PTF1A: variants seen among roughly 807,000 people sequenced by gnomAD.
PTF1A encodes the protein pancreas transcription factor 1 subunit alpha.
Under a neutral mutation model 22.6 loss-of-function variants are expected in PTF1A, and 18 were observed. The observed-to-expected ratio is 0.80, with a 90% CI of 0.55 to 1.18. The LOEUF is 1.18. Among genes scored for constraint, PTF1A ranks in the 50% most tolerant of loss-of-function variants. PTF1A has a pLI of 0.00. For missense variants in PTF1A, 477 were observed against 473.0 expected, an observed-to-expected ratio of 1.01 and a Z score of -0.08; for synonymous variants, 259 against 227.9, an observed-to-expected ratio of 1.14 and a Z score of -1.23.
In PTF1A at chr10:23,192,799, G is replaced by A; in HGVS notation, c.269G>A (p.Gly90Asp). The A allele has an allele frequency of 7.6e-7, 1 of 1,315,374 alleles. No homozygotes were observed. The highest frequency in any genetic ancestry group is 3.9e-5 in the Admixed American group (1 of 25,736). The allele number at this position is 1,315,374 out of a possible 1,614,324, so 81.5% of individuals were successfully genotyped here. The change falls in exon 1 of 2, where the codon GGT becomes GAT. Residue 90 changes from glycine to aspartate, a missense_variant. Transcript: ENST00000376504. The part of the protein sequence containing the change: ...ALAPPSSGGL[G>D]EPDDGGGGGY... ...GCCCCGCCGTCCTCGGGGGGCCTCG[G>A]TGAGCCAGACGACGGCGGCGGCGGC...
chr10:23,193,564 G>A, intron 1 of PTF1A, 140 bp from the exon 2 acceptor site: 1 of 834,258 alleles, frequency 1.2e-6, no homozygotes, highest in South Asian at 1.4e-5. Context: ...GGAGGGGACG[G>A]TGGGGACTTG....
rs1256765789 is a variant in PTF1A at position 23,192,564 on chromosome 10, G to A, written c.34G>A (p.Gly12Ser). The A allele has an allele frequency of 6.3e-7, 1 of 1,597,582 alleles. No homozygotes were observed. The highest frequency in any genetic ancestry group is 8.5e-7 in the Non-Finnish European group (1 of 1,172,492). Residue 12 changes from glycine (G) to serine (S), a missense_variant, in exon 1 of 2, where the codon GGC becomes AGC. Physicochemically the swap from Gly to Ser is moderately conservative, Grantham distance 56. Transcript: ENST00000376504. ...DAVLLEHFPG[G>S]LDAFPSSYFD... Reference sequence around the variant, plus strand: ...GGTGTTGCTGGAGCACTTCCCCGGGGGCCTAGACGCCTTTCCTTCTTCGTA... The same window carrying A: ...GGTGTTGCTGGAGCACTTCCCCGGGAGCCTAGACGCCTTTCCTTCTTCGTA...
chr10:23,192,526 C>T lies in PTF1A; in HGVS notation c.-5C>T. 6.3e-7 allele frequency: 1 copy of T among 1,589,404 alleles called. No individual in the cohort carries two copies. The highest frequency in any genetic ancestry group is 1.4e-5 in the African/African-American group (1 of 72,648). ...GCAGTCCCGCTGCCCACTGCGGCGG[C>T]GAGCATGGACGCGGTGTTGCTGGAG... On this transcript the variant is annotated 5_prime_UTR_variant, in exon 1 of 2. Coordinates refer to ENST00000376504, the MANE Select transcript of PTF1A (RefSeq NM_178161.3).
At position 23,192,668 on chromosome 10, in the gene PTF1A, G is replaced by T; in HGVS notation, c.138G>T (p.Glu46Asp). 1.3e-6 allele frequency: 2 copies of T among 1,599,700 alleles called. No individual in the cohort carries two copies. The highest frequency in any genetic ancestry group is 1.7e-6 in the Non-Finnish European group (2 of 1,174,238). The part of the protein sequence containing the change: ...LEDGDELLAD[E>D]QAEVEFLSHQ... Reference sequence around the variant, plus strand: ...ACGGCGATGAGCTGCTGGCGGACGAGCAGGCCGAGGTGGAGTTCCTTAGCC... The same window carrying T: ...ACGGCGATGAGCTGCTGGCGGACGATCAGGCCGAGGTGGAGTTCCTTAGCC... Residue 46 changes from glutamate to aspartate, a missense_variant, in exon 1 of 2, where the codon GAG becomes GAT. By Grantham distance (45) the Glu-to-Asp change is conservative. Transcript: ENST00000376504.
chr10:23,193,383 G>A, intron 1 of PTF1A, 69 bp downstream of exon 1: 1 of 1,392,868 alleles, frequency 7.2e-7, no homozygotes, highest in Non-Finnish European at 9.4e-7. Flanking sequence ...GGGGCTGGGG[G>A]AGCTGACTGC....
rs373179034 is a variant in PTF1A at position 23,193,086 on chromosome 10, C to T, written c.556C>T (p.Leu186=). The part of the protein sequence containing the change: ...MQSINDAFEG[L]RSHIPTLPYE... Reference sequence around the variant, plus strand: ...GTCCATCAACGACGCCTTCGAGGGGCTGCGCTCGCACATCCCCACGCTGCC... The same window carrying T: ...GTCCATCAACGACGCCTTCGAGGGGTTGCGCTCGCACATCCCCACGCTGCC... Residue 186 remains leucine, a synonymous_variant, in exon 1 of 2, where the codon CTG becomes TTG. Coordinates refer to ENST00000376504, the MANE Select transcript of PTF1A (RefSeq NM_178161.3). 9.9e-6 allele frequency: 14 copies of T among 1,415,886 alleles called. No homozygotes were observed. The African/African-American group carries it at 1.8e-4, about 18-fold the overall frequency. 87.7% of individuals were successfully genotyped at this position (1,415,886 alleles called of 1,614,324 possible).
Position 23,192,510 on chromosome 10 carries a change from C to T in PTF1A, c.-21C>T. On this transcript the variant is annotated 5_prime_UTR_variant, in exon 1 of 2. Coordinates refer to ENST00000376504, the MANE Select transcript of PTF1A (RefSeq NM_178161.3). ...TAACACGCGCAGCCCGGCAGTCCCG[C>T]TGCCCACTGCGGCGGCGAGCATGGA... is the stretch of plus-strand genomic sequence containing the variant. The T allele has an allele frequency of 3.1e-6, 5 of 1,594,528 alleles. No individual in the cohort carries two copies. The highest frequency in any genetic ancestry group is 4.3e-6 in the Non-Finnish European group (5 of 1,173,098).
chr10:23,193,315 G>A lies in PTF1A; in HGVS notation c.784+1G>A. 1 of 1,350,610 alleles carries A rather than the reference G, an allele frequency of 7.4e-7. No homozygotes were observed. The highest frequency in any genetic ancestry group is 9.4e-7 in the Non-Finnish European group (1 of 1,063,538). 83.7% of individuals were successfully genotyped at this position (1,350,610 alleles called of 1,614,324 possible). On this transcript the variant is annotated splice_donor_variant, in intron 1 of 1. Coordinates refer to ENST00000376504, the MANE Select transcript of PTF1A (RefSeq NM_178161.3). LOFTEE classifies it high-confidence loss of function. ...GTCATCATCTGCCATCGGGGCACCCGTAAGTGCTTCCGCTTCCCAGCTCAG... is the reference window on the plus strand; with the variant it reads ...GTCATCATCTGCCATCGGGGCACCCATAAGTGCTTCCGCTTCCCAGCTCAG...
Position 23,192,763 on chromosome 10 carries a change from C to G in PTF1A, c.233C>G (p.Pro78Arg), listed in dbSNP as rs747988912. ...CTGCAGCCCGCGCCCCCGGCCGCCC[C>G]GCTAGCGCTCGCCCCGCCGTCCTCG... ...LLLQPAPPAA[P>R]LALAPPSSGG... The change falls in exon 1 of 2, where the codon CCG (proline) becomes CGG (arginine). Residue 78 changes from proline to arginine, a missense_variant. Transcript: ENST00000376504. The G allele has an allele frequency of 1.4e-6, 2 of 1,397,020 alleles. No individual in the cohort carries two copies. The highest frequency in any genetic ancestry group is 2.7e-5 in the Admixed American group (1 of 36,518). The allele number at this position is 1,397,020 out of a possible 1,614,324, so 86.5% of individuals were successfully genotyped here. A position where few individuals can be genotyped will look rare whatever the true frequency, so the allele number is the denominator to read the frequency against.
chr10:23,193,249 G>T lies in PTF1A; in HGVS notation c.719G>T (p.Gly240Val). ...AGGCGGPGGG[G>V]RLGGDSPGSQ... is the part of the protein sequence containing the mutation. ...GGCTGCGGGGGGCCGGGCGGCGGCG[G>T]GCGCCTGGGCGGGGACAGCCCGGGC... Residue 240 changes from glycine to valine, a missense_variant, in exon 1 of 2, where the codon GGG becomes GTG. By Grantham distance (109) the Gly-to-Val change is moderately radical. Coordinates refer to ENST00000376504, the MANE Select transcript of PTF1A (RefSeq NM_178161.3). 8.0e-7 allele frequency: 1 copy of T among 1,245,322 alleles called. No individual in the cohort carries two copies. Among genetic ancestry groups the T allele is most frequent in the Admixed American group, 4.3e-5 (1 of 23,186 alleles). The allele number at this position is 1,245,322 out of a possible 1,614,324, so 77.1% of individuals were successfully genotyped here. A position where few individuals can be genotyped will look rare whatever the true frequency, so the allele number is the denominator to read the frequency against.
At chr10:23,193,463 G>GGT in intron 1 of PTF1A, 149 bp downstream of exon 1, 1 of 601,922 alleles carries the variant, frequency 1.7e-6, no homozygotes, top group South Asian at 2.9e-5. Context: ...CGCGTTTCTC[G>GGT]TTTTTTTTTT....
In PTF1A at chr10:23,192,683, G is replaced by T; in HGVS notation, c.153G>T (p.Glu51Asp). The T allele has an allele frequency of 3.8e-6, 6 of 1,595,436 alleles. No homozygotes were observed. Among genetic ancestry groups the T allele is most frequent in the Non-Finnish European group, 5.1e-6 (6 of 1,172,926 alleles). Residue 51 changes from glutamate (E) to aspartate (D), a missense_variant, in exon 1 of 2, where the codon GAG becomes GAT. Physicochemically the swap from Glu to Asp is conservative, Grantham distance 45. Transcript: ENST00000376504. ...TGGCGGACGAGCAGGCCGAGGTGGA[G>T]TTCCTTAGCCACCAGCTCCACGAGT... ...ELLADEQAEV[E>D]FLSHQLHEYC...
rs1365455424 is a variant in PTF1A at position 23,192,364 on chromosome 10, G to T, written c.-167G>T. 26 of 774,044 alleles carry T rather than the reference G, an allele frequency of 3.4e-5. No individual in the cohort carries two copies. In the East Asian group the frequency reaches 6.4e-4, roughly 19 times the overall value. 47.9% of individuals were successfully genotyped at this position (774,044 alleles called of 1,614,324 possible). ...GCGCAGCGCGAGCGCGGGCCAGAGCGCAGCGGCCGCGGGCACTCCAGGGAG... is the reference window on the plus strand; with the variant it reads ...GCGCAGCGCGAGCGCGGGCCAGAGCTCAGCGGCCGCGGGCACTCCAGGGAG... On this transcript the variant is annotated 5_prime_UTR_variant, in exon 1 of 2. Transcript: ENST00000376504.
rs1437397424 is a variant in PTF1A at position 23,193,189 on chromosome 10, A to T, written c.659A>T (p.Gln220Leu). 7.2e-7 allele frequency: 1 copy of T among 1,379,684 alleles called. No individual in the cohort carries two copies. The highest frequency in any genetic ancestry group is 2.4e-5 in the Admixed American group (1 of 41,030). The allele number at this position is 1,379,684 out of a possible 1,614,324, so 85.5% of individuals were successfully genotyped here. ...ATCAACTTCCTCAGCGAGCTCGTGC[A>T]GGCCGACCTGCCCTTGCGCGGCGGT... ...GYINFLSELV[Q>L]ADLPLRGGGA... Residue 220 changes from glutamine (Q) to leucine (L), a missense_variant, in exon 1 of 2, where the codon CAG (glutamine) becomes CTG (leucine). Physicochemically the swap from Gln to Leu is moderately radical, Grantham distance 113. Coordinates refer to ENST00000376504, the MANE Select transcript of PTF1A (RefSeq NM_178161.3).
chr10:23,194,154 T>C lies in PTF1A; in HGVS notation c.*248T>C, dbSNP rs573178489. 21 of 439,476 alleles carry C rather than the reference T, an allele frequency of 4.8e-5. 1 individual carries two copies. The South Asian group carries it at 6.8e-4, about 14-fold the overall frequency. 27.2% of individuals were successfully genotyped at this position (439,476 alleles called of 1,614,324 possible). A position where few individuals can be genotyped will look rare whatever the true frequency, so the allele number is the denominator to read the frequency against. On this transcript the variant is annotated 3_prime_UTR_variant, in exon 2 of 2. Coordinates refer to ENST00000376504, the MANE Select transcript of PTF1A (RefSeq NM_178161.3). ...TATGATTTTCCTGAACTCTGTGTTGTTGGGAGAACTCTGGCCAGAAAACGT... is the reference window on the plus strand; with the variant it reads ...TATGATTTTCCTGAACTCTGTGTTGCTGGGAGAACTCTGGCCAGAAAACGT...
rs144692521 is a variant in PTF1A, at chr10:23,192,673, C to A, written c.143C>A (p.Ala48Asp). ...DGDELLADEQ[A>D]EVEFLSHQLH... Reference sequence around the variant, plus strand: ...GATGAGCTGCTGGCGGACGAGCAGGCCGAGGTGGAGTTCCTTAGCCACCAG... The same window carrying A: ...GATGAGCTGCTGGCGGACGAGCAGGACGAGGTGGAGTTCCTTAGCCACCAG... The change falls in exon 1 of 2, where the codon GCC (alanine) becomes GAC (aspartate). Residue 48 changes from alanine (A) to aspartate (D), a missense_variant. By Grantham distance (126) the Ala-to-Asp change is moderately radical. Coordinates refer to ENST00000376504, the MANE Select transcript of PTF1A (RefSeq NM_178161.3). The A allele has an allele frequency of 4.4e-6, 7 of 1,598,168 alleles. No individual in the cohort carries two copies. The African/African-American group carries it at 9.5e-5, about 22-fold the overall frequency.
In PTF1A at chr10:23,193,758, C is replaced by G. The variant is rs766985048; in HGVS notation, c.839C>G (p.Ser280Cys). The change falls in exon 2 of 2, where the codon TCT (serine) becomes TGT (cysteine). Residue 280 changes from serine to cysteine, a missense_variant. Coordinates refer to ENST00000376504, the MANE Select transcript of PTF1A (RefSeq NM_178161.3). The part of the protein sequence containing the change: ...DYGLPPLAGH[S>C]LSWTDEKQLK... ...GGCCTCCCTCCCCTAGCAGGACACT[C>G]TCTCTCATGGACTGATGAAAAACAA... 6.2e-7 allele frequency: 1 copy of G among 1,613,924 alleles called. No individual in the cohort carries two copies. The highest frequency in any genetic ancestry group is 2.2e-5 in the East Asian group (1 of 44,888).
chr10:23,193,382 G>T, intron 1 of PTF1A, 68 bp downstream of exon 1: 1 of 1,392,056 alleles, frequency 7.2e-7, no homozygotes, highest in East Asian at 2.5e-5. Context: ...AGGGGCTGGG[G>T]GAGCTGACTG....
intron 1 of PTF1A, 21 bp downstream of exon 1, chr10:23,193,335 G>A: frequency 2.2e-6 from 3 of 1,394,492 alleles, no homozygotes; most frequent in Non-Finnish European, 2.8e-6. Context: ...CCGCTTCCCA[G>A]CTCAGGGAGA....
Sources: allele counts gnomAD v4.1 joint callset, GRCh38; gene constraint gnomAD v4.1.1; transcripts MANE v1.5; gene names NCBI Gene and HGNC (gene_info 2026-07-23, HGNC 2026-07-21).